CACNA1E: variants seen among roughly 807,000 people sequenced by gnomAD.
CACNA1E encodes the protein calcium voltage-gated channel subunit alpha1 E, also known as voltage-dependent R-type calcium channel subunit alpha-1E.
Under a neutral mutation model 259.2 loss-of-function variants are expected in CACNA1E, and 40 were observed. The observed-to-expected ratio is 0.15, with a 90% CI of 0.12 to 0.20. CACNA1E has a LOEUF of 0.20. Among genes scored for constraint, CACNA1E ranks in the 10% least tolerant of loss-of-function variants. The pLI, the probability that CACNA1E is intolerant of heterozygous loss-of-function variation, is 1.00. For missense variants in CACNA1E, 1,874 were observed against 3,040.1 expected, an observed-to-expected ratio of 0.62 and a Z score of 9.02; for synonymous variants, 1,104 against 1,138.5, an observed-to-expected ratio of 0.97 and a Z score of 0.61.
At chr1:181,358,370 GT>G (rs372197878) in intron 1 of CACNA1E, among the ~76,000 whole-genome samples, 42 of 152,270 alleles carry the variant, frequency 2.8e-4, no homozygotes, top group African/African-American at 9.9e-4. Flanking sequence ...CACACACTCA[GT>G]TTTGTTTTGC....
At chr1:181,442,325 T>G (rs1660546023) in intron 2 of CACNA1E, among the ~76,000 whole-genome samples, 1 of 121,400 alleles carries the variant, frequency 8.2e-6, no homozygotes, top group African/African-American at 3.6e-5. Flanking sequence ...CCAGGTGTGA[T>G]GGGCACAGGT....
intron 2 of CACNA1E, among the ~76,000 whole-genome samples, chr1:181,432,468 CA>C (rs1659786506): frequency 6.6e-6 from 1 of 151,648 alleles, no homozygotes; most frequent in Admixed American, 6.6e-5. Context: ...AATAAAATAA[CA>C]AAAAAATGTT....
At chr1:181,709,288 C>T (rs1276889568) in intron 7 of CACNA1E, among the ~76,000 whole-genome samples, 2 of 152,190 alleles carry the variant, frequency 1.3e-5, no homozygotes, top group East Asian at 3.8e-4. Flanking sequence ...GGTCACTCTT[C>T]ATTTTGACTC....
chr1:181,728,474 G>A (rs1255107305), intron 18 of CACNA1E, among the ~76,000 whole-genome samples: 2 of 152,252 alleles, frequency 1.3e-5, no homozygotes, highest in Non-Finnish European at 2.9e-5. Context: ...TGAGGTTGGC[G>A]TTGCTGGTGT....
At chr1:181,756,389 G>C (rs908349096) in intron 29 of CACNA1E, among the ~76,000 whole-genome samples, 3 of 152,152 alleles carry the variant, frequency 2.0e-5, no homozygotes, top group African/African-American at 7.2e-5. Context: ...GAACAGCCCT[G>C]TACCCATAAG....
intron 44 of CACNA1E, among the ~76,000 whole-genome samples, chr1:181,790,965 C>T (rs1481221831): frequency 6.6e-6 from 1 of 152,314 alleles, no homozygotes; most frequent in East Asian, 1.9e-4. Flanking sequence ...CACAAATGCC[C>T]CATGCCATTC....
At chr1:181,682,731 A>C (rs112440339) in intron 7 of CACNA1E, among the ~76,000 whole-genome samples, 1,786 of 152,334 alleles carry the variant, frequency 0.012, 33 homozygotes, top group African/African-American at 0.04. Context: ...CACGTCTTAC[A>C]TGGCAGGAGC....
chr1:181,769,487 G>GCTTGT (rs1659311638), intron 35 of CACNA1E, among the ~76,000 whole-genome samples: 2 of 151,140 alleles, frequency 1.3e-5, no homozygotes, highest in Non-Finnish European at 2.9e-5. Flanking sequence ...TGTTGCCCAG[G>GCTTGT]CTTGTCTTGA....
At chr1:181,572,851 AGT>A (rs994155459) in intron 3 of CACNA1E, among the ~76,000 whole-genome samples, 2 of 152,088 alleles carry the variant, frequency 1.3e-5, no homozygotes, top group Non-Finnish European at 2.9e-5. Flanking sequence ...TGGTCCTGAG[AGT>A]GAGATATGGC....
In CACNA1E at chr1:181,717,418, G is replaced by T. The variant is rs540988425; in HGVS notation, c.1525+116G>T. ...GCTAGGAAAGGTTCTACCTCTTCACGCTGTGAGGGAGGCCACATCGTCCTC... is the reference window on the plus strand; with the variant it reads ...GCTAGGAAAGGTTCTACCTCTTCACTCTGTGAGGGAGGCCACATCGTCCTC... On this transcript the variant is annotated intron_variant, in intron 11 of 47. Coordinates refer to ENST00000367573, the MANE Select transcript of CACNA1E (RefSeq NM_001205293.3). 2.5e-4 allele frequency: 203 copies of T among 802,672 alleles called. No homozygotes were observed. In the African/African-American group the frequency reaches 3.3e-3, roughly 13 times the overall value. The allele number at this position is 802,672 out of a possible 1,614,324, so 49.7% of individuals were successfully genotyped here.
intron 6 of CACNA1E, among the ~76,000 whole-genome samples, chr1:181,610,652 A>G (rs1654674189): frequency 6.6e-6 from 1 of 152,194 alleles, no homozygotes; most frequent in Non-Finnish European, 1.5e-5. Flanking sequence ...ACATGTACTT[A>G]CTCAGGTAGT....
chr1:181,730,662 T>A (rs1301169512), intron 18 of CACNA1E, among the ~76,000 whole-genome samples: 3 of 152,222 alleles, frequency 2.0e-5, no homozygotes, highest in African/African-American at 7.2e-5. Context: ...CTTCGTAGCC[T>A]TGACATCGTG....
At chr1:181,408,074 A>G (rs190797814) in intron 1 of CACNA1E, among the ~76,000 whole-genome samples, 46 of 152,224 alleles carry the variant, frequency 3.0e-4, no homozygotes, top group African/African-American at 7.9e-4. Context: ...TCTGTCCACT[A>G]TCTCTTAGCC....
chr1:181,714,977 A>C (rs1653752051), intron 8 of CACNA1E, among the ~76,000 whole-genome samples: 1 of 152,228 alleles, frequency 6.6e-6, no homozygotes, highest in African/African-American at 2.4e-5. Context: ...CTAGAAGTTC[A>C]AGGAGTTAGG....
chr1:181,347,101 C>T (rs1652653391), intron 1 of CACNA1E, among the ~76,000 whole-genome samples: 2 of 152,182 alleles, frequency 1.3e-5, no homozygotes, highest in South Asian at 4.1e-4. Flanking sequence ...AATCTTCACT[C>T]ACCACGCTTC....
rs1662698125 is a variant in CACNA1E at position 181,807,281 on chromosome 1, A to G, written c.*8447A>G. ...AAGCGAGGAGTTTAACAAGGTAGGCAGAGAACTTCCTTATGGAACAACAGG... is the reference window on the plus strand; with the variant it reads ...AAGCGAGGAGTTTAACAAGGTAGGCGGAGAACTTCCTTATGGAACAACAGG... On this transcript the variant is annotated 3_prime_UTR_variant, in exon 48 of 48. Coordinates refer to ENST00000367573, the MANE Select transcript of CACNA1E (RefSeq NM_001205293.3). 6.6e-6 allele frequency: 1 copy of G among 152,160 alleles called. No individual in the cohort carries two copies. Among genetic ancestry groups the G allele is most frequent in the African/African-American group, 2.4e-5 (1 of 41,440 alleles). The allele number at this position is 152,160 out of a possible 1,614,324, so 9.4% of individuals were successfully genotyped here.
At chr1:181,336,213 T>A (rs952564071) in intron 1 of CACNA1E, among the ~76,000 whole-genome samples, 1 of 152,244 alleles carries the variant, frequency 6.6e-6, no homozygotes, top group African/African-American at 2.4e-5. Flanking sequence ...CAGGAACCCA[T>A]CCTGTTCATC....
chr1:181,578,830 C>A (rs1651235709), intron 4 of CACNA1E, among the ~76,000 whole-genome samples: 1 of 152,214 alleles, frequency 6.6e-6, no homozygotes. Flanking sequence ...CCAACAGAGA[C>A]TGAGAACTGG....
At chr1:181,592,938 G>T (rs1177622647) in intron 6 of CACNA1E, among the ~76,000 whole-genome samples, 1 of 152,008 alleles carries the variant, frequency 6.6e-6, no homozygotes, top group East Asian at 1.9e-4. Flanking sequence ...CTTCACTGGG[G>T]ATAGGGGAAC....
Sources: gnomAD v4.1 joint callset for allele counts (sites outside exome capture counted in the v4.1 genomes callset) on GRCh38, gnomAD v4.1.1 for gene constraint, MANE v1.5 for transcripts, NCBI Gene and HGNC (gene_info 2026-07-23, HGNC 2026-07-21) for gene names.